RPS6KC1: variants seen among roughly 807,000 people sequenced by gnomAD.
The protein encoded by RPS6KC1 is inactive ribosomal protein S6 kinase delta-1.
RPS6KC1 carries 54 observed loss-of-function variants against 103.8 expected under a neutral mutation model. That is an observed-to-expected ratio of 0.52 (90% CI 0.42 to 0.65). The LOEUF (loss-of-function observed/expected upper bound fraction) is 0.65, where lower values mean the gene tolerates loss of function less well. Ranked by LOEUF, RPS6KC1 falls within the 30% of genes least tolerant of loss-of-function variation. RPS6KC1 has a pLI of 0.00. For missense variants in RPS6KC1, 1,151 were observed against 1,253.8 expected (o/e 0.92, Z 1.24); for synonymous variants, 439 against 438.7 (o/e 1.00, Z -0.01).
At chr1:213,846,380 G>A in the RPS6KC1 span, among the ~76,000 whole-genome samples, 1 of 152,058 alleles carries the variant, frequency 6.6e-6, no homozygotes, top group Non-Finnish European at 1.5e-5. Context: ...TACCCAATGC[G>A]CTCCCCACTA....
chr1:213,217,665 T>C (rs1452227456), intron 8 of RPS6KC1, among the ~76,000 whole-genome samples: 1 of 152,194 alleles, frequency 6.6e-6, no homozygotes, highest in Non-Finnish European at 1.5e-5. Context: ...ATCAGAAAGC[T>C]TATCCACCAT....
chr1:213,417,781 G>A, the RPS6KC1 span, among the ~76,000 whole-genome samples: 2 of 152,160 alleles, frequency 1.3e-5, no homozygotes, highest in African/African-American at 2.4e-5. Context: ...CTCTTTTTCT[G>A]GACATCTTTA....
At chr1:213,325,942 G>A in the RPS6KC1 span, among the ~76,000 whole-genome samples, 1 of 152,192 alleles carries the variant, frequency 6.6e-6, no homozygotes, top group Non-Finnish European at 1.5e-5. Flanking sequence ...ACATTTGTTT[G>A]CTCTTGTTAA....
At position 213,059,703 on chromosome 1, in the gene RPS6KC1, C is replaced by T. The variant is rs189834892; in HGVS notation, c.105+8194C>T. Among the ~76,000 whole-genome samples, 29 of 151,366 alleles carry T rather than the reference C, an allele frequency of 1.9e-4. No homozygotes were observed. In the East Asian group the frequency reaches 4.1e-3, roughly 21 times the overall value. ...AATTTTTTTTTTTTGAGACGCATCT[C>T]GCTCTGTTGCCCAGGCTGGAGTGCA... is the stretch of plus-strand genomic sequence containing the variant. On this transcript the variant is annotated intron_variant, in intron 1 of 14. Coordinates refer to ENST00000366960, the MANE Select transcript of RPS6KC1 (RefSeq NM_012424.6).
chr1:213,366,020 G>T, the RPS6KC1 span, among the ~76,000 whole-genome samples: 2 of 152,210 alleles, frequency 1.3e-5, no homozygotes, highest in African/African-American at 4.8e-5. Context: ...CTTGCAGTTT[G>T]CCCCTTAAAG....
the RPS6KC1 span, among the ~76,000 whole-genome samples, chr1:213,311,985 C>T: frequency 6.6e-6 from 1 of 151,410 alleles, no homozygotes; most frequent in Non-Finnish European, 1.5e-5. Context: ...GCAACCTCCA[C>T]CTCCTGGGTT....
At chr1:213,152,138 G>C (rs2089159341) in intron 6 of RPS6KC1, among the ~76,000 whole-genome samples, 3 of 134,996 alleles carry the variant, frequency 2.2e-5, no homozygotes, top group South Asian at 2.4e-4. Flanking sequence ...GCCGGGCAGA[G>C]GCGCCCCTCA....
chr1:213,359,365 A>G, the RPS6KC1 span, among the ~76,000 whole-genome samples: 1 of 152,114 alleles, frequency 6.6e-6, no homozygotes, highest in Non-Finnish European at 1.5e-5. Flanking sequence ...TTTATCAGAG[A>G]CTAGGATTGC....
the RPS6KC1 span, among the ~76,000 whole-genome samples, chr1:213,611,581 A>T: frequency 3.3e-5 from 5 of 152,166 alleles, no homozygotes; most frequent in Admixed American, 2.0e-4. Context: ...AGTCATGTAA[A>T]GTTGGGAAGA....
At chr1:213,083,949 G>A (rs1298706725) in intron 3 of RPS6KC1, among the ~76,000 whole-genome samples, 1 of 152,122 alleles carries the variant, frequency 6.6e-6, no homozygotes, top group Admixed American at 6.5e-5. Context: ...GGGGAAACTG[G>A]TTGCTTTATG....
chr1:213,555,587 T>C, the RPS6KC1 span, among the ~76,000 whole-genome samples: 2 of 152,218 alleles, frequency 1.3e-5, no homozygotes, highest in African/African-American at 4.8e-5. Flanking sequence ...GTAGTGCTAT[T>C]TCTTATTAAT....
the RPS6KC1 span, among the ~76,000 whole-genome samples, chr1:213,589,858 G>A: frequency 6.6e-6 from 1 of 151,904 alleles, no homozygotes; most frequent in African/African-American, 2.4e-5. Context: ...GCAATGGGCT[G>A]AAAGATGGGC....
At chr1:213,342,620 C>T in the RPS6KC1 span, among the ~76,000 whole-genome samples, 1 of 152,060 alleles carries the variant, frequency 6.6e-6, no homozygotes, top group Non-Finnish European at 1.5e-5. Flanking sequence ...CCTTTCCATA[C>T]AGTTACTGTT....
At chr1:213,588,132 G>T in the RPS6KC1 span, among the ~76,000 whole-genome samples, 1 of 151,964 alleles carries the variant, frequency 6.6e-6, no homozygotes, top group African/African-American at 2.4e-5. Context: ...CTGGAGTACG[G>T]TGGCACAGTC....
At chr1:213,605,286 A>G in the RPS6KC1 span, among the ~76,000 whole-genome samples, 1,871 of 152,310 alleles carry the variant, frequency 0.012, 38 homozygotes, top group African/African-American at 0.043. Context: ...CTAAAAATTC[A>G]TTCTTAAAAA....
Position 213,241,904 on chromosome 1 carries a change from A to G in RPS6KC1, c.2428A>G (p.Thr810Ala), listed in dbSNP as rs2094363391. The G allele has an allele frequency of 1.2e-6, 2 of 1,613,904 alleles. No homozygotes were observed. Among genetic ancestry groups the G allele is most frequent in the East Asian group, 2.2e-5 (1 of 44,888 alleles). Residue 810 changes from threonine (T) to alanine (A), a missense_variant, in exon 11 of 15, where the codon ACT becomes GCT. By Grantham distance (58) the Thr-to-Ala change is moderately conservative (BLOSUM62 0). Transcript: ENST00000366960. The stretch of plus-strand genomic sequence containing the variant: ...ACTTGGAGTGGTTGAGTCAGCAGTA[A>G]CTGCAAACAACACAGAAGAAAGCTT... ...QGLGVVESAV[T>A]ANNTEESLFR... is the part of the protein sequence containing the mutation.
the RPS6KC1 span, among the ~76,000 whole-genome samples, chr1:213,679,603 C>T: frequency 4.1e-4 from 62 of 152,330 alleles, no homozygotes; most frequent in Non-Finnish European, 8.4e-4. Context: ...ACCAGAGTTC[C>T]AGACCCCATC....
chr1:213,363,698 CTTT>C, the RPS6KC1 span, among the ~76,000 whole-genome samples: 21 of 93,004 alleles, frequency 2.3e-4, no homozygotes, highest in East Asian at 2.3e-4. Context: ...TTCTTTCTTT[CTTT>C]CCTTCTTTCT....
the RPS6KC1 span, among the ~76,000 whole-genome samples, chr1:213,591,996 A>G: frequency 6.6e-6 from 1 of 152,138 alleles, no homozygotes; most frequent in Non-Finnish European, 1.5e-5. Flanking sequence ...ACAATTTCCA[A>G]AGGGGGTTAA....
Sources: allele counts gnomAD v4.1 joint callset (sites outside exome capture counted in the v4.1 genomes callset), GRCh38; gene constraint gnomAD v4.1.1; transcripts MANE v1.5; gene names NCBI Gene and HGNC (gene_info 2026-07-23, HGNC 2026-07-21).